STAG1: variants seen among roughly 807,000 people sequenced by gnomAD.
STAG1 encodes the protein STAG1 cohesin complex component.
A neutral mutation model predicts 170.9 loss-of-function variants in STAG1; 26 were observed. The observed-to-expected ratio is 0.15, with a 90% CI of 0.11 to 0.21. The LOEUF (loss-of-function observed/expected upper bound fraction) is 0.21. Among genes scored for constraint, STAG1 ranks in the 10% least tolerant of loss-of-function variants. The pLI is 1.00. For synonymous variants in STAG1, 514 were observed against 497.7 expected, an observed-to-expected ratio of 1.03 and a Z score of -0.44; for missense variants, 964 against 1,509.5, an observed-to-expected ratio of 0.64 and a Z score of 5.99.
In STAG1 at chr3:136,336,275, G is replaced by A. The variant is rs1270257938; in HGVS notation, c.*1979C>T. 2 of 152,064 alleles carry A rather than the reference G, an allele frequency of 1.3e-5. No homozygotes were observed. The highest frequency in any genetic ancestry group is 2.9e-5 in the Non-Finnish European group (2 of 68,012). 9.4% of individuals were successfully genotyped at this position (152,064 alleles called of 1,614,324 possible). A position where few individuals can be genotyped will look rare whatever the true frequency, so the allele number is the denominator to read the frequency against. ...TTATTAAAGGAAAGGTGAAGCATCA[G>A]TTTCAAATTGTACAAAAGGAAAAAA... On this transcript the variant is annotated 3_prime_UTR_variant, in exon 34 of 34. Transcript: ENST00000383202.
chr3:136,527,268 A>G (rs1935085329), intron 6 of STAG1, among the ~76,000 whole-genome samples: 1 of 152,038 alleles, frequency 6.6e-6, no homozygotes, highest in South Asian at 2.1e-4. Context: ...ATAGTCCCAT[A>G]TTTCTTGGAG....
At chr3:136,487,072 T>G (rs2090032065) in intron 9 of STAG1, among the ~76,000 whole-genome samples, 1 of 144,324 alleles carries the variant, frequency 6.9e-6, no homozygotes, top group Non-Finnish European at 1.5e-5. Context: ...TATACAGGTA[T>G]GCATGTGCCA....
intron 15 of STAG1, among the ~76,000 whole-genome samples, chr3:136,439,936 T>C (rs2088581977): frequency 6.6e-6 from 1 of 152,080 alleles, no homozygotes; most frequent in South Asian, 2.1e-4. Flanking sequence ...TGACCGGAAG[T>C]TTAAAAAATC....
At chr3:136,409,473 A>G (rs2087567291) in intron 21 of STAG1, among the ~76,000 whole-genome samples, 1 of 151,846 alleles carries the variant, frequency 6.6e-6, no homozygotes, top group African/African-American at 2.4e-5. Context: ...AGTAGCTGGG[A>G]TTACAGGAGC....
chr3:136,497,893 A>G (rs940093067), intron 9 of STAG1, among the ~76,000 whole-genome samples: 4 of 148,998 alleles, frequency 2.7e-5, no homozygotes, highest in African/African-American at 9.9e-5. Flanking sequence ...AGGGGCATCT[A>G]TGAAAATATT....
chr3:136,499,937 T>C, intron 9 of STAG1: 1 of 209,414 alleles, frequency 4.8e-6, no homozygotes, highest in Middle Eastern at 1.9e-3. Context: ...TTATTAAAGC[T>C]ACATTAGTTT....
chr3:136,361,986 G>A (rs1484950159), intron 26 of STAG1, among the ~76,000 whole-genome samples: 3 of 151,382 alleles, frequency 2.0e-5, no homozygotes, highest in Non-Finnish European at 2.9e-5. Context: ...ACAGAGTTTT[G>A]CTCTTGTGGC....
rs1270454557 is a variant in STAG1, at chr3:136,723,460, C to T, written c.-84+28735G>A. Among the ~76,000 whole-genome samples, 200 of 151,318 alleles carry T rather than the reference C, an allele frequency of 1.3e-3. 1 individual carries two copies. Among genetic ancestry groups the T allele is most frequent in the Non-Finnish European group, 4.3e-4 (29 of 67,792 alleles). On this transcript the variant is annotated intron_variant, in intron 1 of 33. Coordinates refer to ENST00000383202, the MANE Select transcript of STAG1 (RefSeq NM_005862.3). ...GTGAGGAGACCCTCTGCCTGGCAAC[C>T]GCCCCATATGAGAAGTGAGGAGCCC...
intron 7 of STAG1, 150 bp downstream of exon 7, chr3:136,521,063 G>C: frequency 1.4e-6 from 1 of 692,646 alleles, no homozygotes; most frequent in Non-Finnish European, 2.4e-6. Flanking sequence ...TGCCAGTTAT[G>C]AAAACAGGCA....
At chr3:136,741,482 T>C (rs2107951556) in intron 1 of STAG1, among the ~76,000 whole-genome samples, 1 of 152,348 alleles carries the variant, frequency 6.6e-6, no homozygotes, top group East Asian at 1.9e-4. Flanking sequence ...AATTTTTTTT[T>C]TTGGAGATGG....
At chr3:136,429,187 A>T (rs943707341) in intron 16 of STAG1, among the ~76,000 whole-genome samples, 1 of 151,978 alleles carries the variant, frequency 6.6e-6, no homozygotes, top group African/African-American at 2.4e-5. Context: ...CGGGTGGATG[A>T]CCTGAAGTCA....
chr3:136,389,451 CT>C (rs1486874380), intron 22 of STAG1, among the ~76,000 whole-genome samples: 2 of 152,000 alleles, frequency 1.3e-5, no homozygotes, highest in African/African-American at 2.4e-5. Flanking sequence ...CACCACCACA[CT>C]TGGCTAATTT....
chr3:136,566,144 A>C (rs1268548601), intron 5 of STAG1, among the ~76,000 whole-genome samples: 1 of 152,182 alleles, frequency 6.6e-6, no homozygotes, highest in African/African-American at 2.4e-5. Flanking sequence ...GTGTCCTCCC[A>C]AAATTCCTAT....
chr3:136,600,608 T>C (rs988049037), intron 4 of STAG1, among the ~76,000 whole-genome samples: 29 of 152,346 alleles, frequency 1.9e-4, no homozygotes, highest in African/African-American at 7.0e-4. Flanking sequence ...CTTGGCTCAA[T>C]GCAACCTCTA....
intron 6 of STAG1, among the ~76,000 whole-genome samples, chr3:136,523,874 T>C (rs952439939): frequency 6.6e-6 from 1 of 152,214 alleles, no homozygotes; most frequent in Non-Finnish European, 1.5e-5. Context: ...TTGCTTGTTT[T>C]TCTCAGGTTT....
chr3:136,398,524 C>T (rs1163748158), intron 22 of STAG1, among the ~76,000 whole-genome samples: 1 of 151,982 alleles, frequency 6.6e-6, no homozygotes, highest in African/African-American at 2.4e-5. Context: ...CATATATATA[C>T]ACACACATAA....
chr3:136,390,416 T>A (rs1205907091), intron 22 of STAG1, among the ~76,000 whole-genome samples: 2 of 152,198 alleles, frequency 1.3e-5, no homozygotes, highest in Non-Finnish European at 2.9e-5. Flanking sequence ...GAACATGAAA[T>A]GGATATTAAA....
intron 1 of STAG1, among the ~76,000 whole-genome samples, chr3:136,693,131 C>T (rs1278337346): frequency 6.6e-6 from 1 of 152,048 alleles, no homozygotes; most frequent in Non-Finnish European, 1.5e-5. Flanking sequence ...AGTCTTGTCC[C>T]AATAAATGAG....
intron 28 of STAG1, among the ~76,000 whole-genome samples, chr3:136,353,176 A>AG (rs2108272797): frequency 6.6e-6 from 1 of 152,332 alleles, no homozygotes; most frequent in African/African-American, 2.4e-5. Context: ...AAGAAGAGAG[A>AG]GAAAAAAGAA....
Sources: gnomAD v4.1 joint callset for allele counts (sites outside exome capture counted in the v4.1 genomes callset) on GRCh38, gnomAD v4.1.1 for gene constraint, MANE v1.5 for transcripts, NCBI Gene and HGNC (gene_info 2026-07-23, HGNC 2026-07-21) for gene names.